AIG1: variants seen among roughly 807,000 people sequenced by gnomAD.
AIG1 encodes the protein androgen induced 1, also known as androgen-induced gene 1 protein.
Under a neutral mutation model 31.4 loss-of-function variants are expected in AIG1, and 23 were observed. That is an observed-to-expected ratio of 0.73 (90% CI 0.53 to 1.04). The LOEUF is 1.04. Ranked by LOEUF, AIG1 falls within the 50% of genes least tolerant of loss-of-function variation. The pLI, the probability that AIG1 is intolerant of heterozygous loss-of-function variation, is 0.00. For missense variants in AIG1, 274 were observed against 295.0 expected (o/e 0.93, Z 0.52); for synonymous variants, 100 against 110.5 (o/e 0.90, Z 0.60).
At chr6:143,080,371 G>A (rs1778129812) in intron 1 of AIG1, among the ~76,000 whole-genome samples, 1 of 152,144 alleles carries the variant, frequency 6.6e-6, no homozygotes, top group South Asian at 2.1e-4. Flanking sequence ...TAGTTTTACA[G>A]CTTCGATTCT....
chr6:143,129,786 GTTAAA>G (rs1783049169), intron 1 of AIG1, among the ~76,000 whole-genome samples: 1 of 151,650 alleles, frequency 6.6e-6, no homozygotes, highest in South Asian at 2.1e-4. Context: ...GAGTAATTTA[GTTAAA>G]TTAGTTTCTT....
Position 143,268,089 on chromosome 6 carries a change from G to A in AIG1, c.400-16021G>A, listed in dbSNP as rs1035170614. Among the ~76,000 whole-genome samples, 19 of 152,100 alleles carry A rather than the reference G, an allele frequency of 1.2e-4. No individual in the cohort carries two copies. Among genetic ancestry groups the A allele is most frequent in the African/African-American group, 4.1e-4 (17 of 41,408 alleles). Reference sequence around the variant, plus strand: ...GCTGGCCAAAATATATATCCATGATGAATTATAATAAAAATAGGGAGGATT... The same window carrying A: ...GCTGGCCAAAATATATATCCATGATAAATTATAATAAAAATAGGGAGGATT... On this transcript the variant is annotated intron_variant, in intron 3 of 5. Coordinates refer to ENST00000357847, the MANE Select transcript of AIG1 (RefSeq NM_016108.4). This position sits in a 1 kb window ranked among gnomAD's most constrained non-coding sequence, Gnocchi z 5.0.
At chr6:143,332,100 G>C (rs1777131831) in intron 4 of AIG1, among the ~76,000 whole-genome samples, 1 of 151,972 alleles carries the variant, frequency 6.6e-6, no homozygotes, top group African/African-American at 2.4e-5. Flanking sequence ...TTGAACTCCT[G>C]ACCTCAGGTG....
intron 4 of AIG1, among the ~76,000 whole-genome samples, chr6:143,316,648 G>A (rs1373595155): frequency 6.6e-6 from 1 of 151,660 alleles, no homozygotes; most frequent in Non-Finnish European, 1.5e-5. Flanking sequence ...AAGTAACCAA[G>A]ATCAGAGCTG....
At chr6:143,092,567 A>G (rs1779400572) in intron 1 of AIG1, among the ~76,000 whole-genome samples, 1 of 152,176 alleles carries the variant, frequency 6.6e-6, no homozygotes, top group Non-Finnish European at 1.5e-5. Context: ...ATTGTCAATG[A>G]GCAGTTATAT....
chr6:143,201,134 TA>T (rs1562484867), intron 3 of AIG1, among the ~76,000 whole-genome samples: 1 of 152,142 alleles, frequency 6.6e-6, no homozygotes, highest in African/African-American at 2.4e-5. Context: ...GATACTACTT[TA>T]TTATGAAATA....
At chr6:143,323,438 A>G (rs1252599315) in intron 4 of AIG1, among the ~76,000 whole-genome samples, 2 of 150,998 alleles carry the variant, frequency 1.3e-5, no homozygotes, top group African/African-American at 2.4e-5. Context: ...ATATTAAACT[A>G]TGATTATACC....
chr6:143,102,931 T>C (rs574630734), intron 1 of AIG1, among the ~76,000 whole-genome samples: 89 of 152,258 alleles, frequency 5.8e-4, no homozygotes, highest in Non-Finnish European at 5.9e-4. Flanking sequence ...TATCCCAGAA[T>C]CCTGAAGATT....
rs958060572 is a variant in AIG1, at chr6:143,284,846, T to C, written c.515+621T>C. Among the ~76,000 whole-genome samples, 2 of 152,200 alleles carry C rather than the reference T, an allele frequency of 1.3e-5. No homozygotes were observed. Among genetic ancestry groups the C allele is most frequent in the Non-Finnish European group, 2.9e-5 (2 of 68,030 alleles). ...GATAAAAGAATTTTTGCCTGGCGAGTCTACTTCACATTAATTTCAGTTCTT... is the reference window on the plus strand; with the variant it reads ...GATAAAAGAATTTTTGCCTGGCGAGCCTACTTCACATTAATTTCAGTTCTT... On this transcript the variant is annotated intron_variant, in intron 4 of 5. Coordinates refer to ENST00000357847, the MANE Select transcript of AIG1 (RefSeq NM_016108.4). This position sits in a 1 kb window ranked among gnomAD's most constrained non-coding sequence, Gnocchi z 4.4.
At chr6:143,171,431 A>AC (rs1491179531) in intron 3 of AIG1, among the ~76,000 whole-genome samples, 1 of 94,784 alleles carries the variant, frequency 1.1e-5, no homozygotes, top group African/African-American at 4.4e-5. Context: ...TAATATATAT[A>AC]ATATATATAT....
chr6:143,131,038 A>G (rs1783185555), intron 1 of AIG1, among the ~76,000 whole-genome samples: 1 of 152,112 alleles, frequency 6.6e-6, no homozygotes, highest in South Asian at 2.1e-4. Flanking sequence ...GCATTCATTT[A>G]CTTTTAACCA....
At chr6:143,187,873 A>G (rs1692580707) in intron 3 of AIG1, 5 of 1,398,790 alleles carry the variant, frequency 3.6e-6, no homozygotes, top group Non-Finnish European at 4.6e-6. Context: ...TATCCGCAGC[A>G]TTGTCAAAAA....
At chr6:143,307,307 G>GT (rs887134252) in intron 4 of AIG1, among the ~76,000 whole-genome samples, 1 of 152,120 alleles carries the variant, frequency 6.6e-6, no homozygotes, top group Admixed American at 6.5e-5. Context: ...TTTTTCTGCT[G>GT]TTTTTTCCCC....
chr6:143,219,237 A>G lies in AIG1; in HGVS notation c.399+54054A>G, dbSNP rs554159547. ...CATTAAATCAGAAGTCAAGAGATGG[A>G]CCCTAGCCCCAGGTTGCTGCTAATT... On this transcript the variant is annotated intron_variant, in intron 3 of 5. Coordinates refer to ENST00000357847, the MANE Select transcript of AIG1 (RefSeq NM_016108.4). Among the ~76,000 whole-genome samples, 9 of 152,286 alleles carry G rather than the reference A, an allele frequency of 5.9e-5. No individual in the cohort carries two copies. The East Asian group carries it at 1.4e-3, about 23-fold the overall frequency.
rs1231656054 is a variant in AIG1, at chr6:143,338,842, CAAAG to C, written c.680-793_680-790del. On this transcript the variant is annotated intron_variant, in intron 5 of 5. Coordinates refer to ENST00000357847, the MANE Select transcript of AIG1 (RefSeq NM_016108.4). This position sits in a 1 kb window ranked among gnomAD's most constrained non-coding sequence, Gnocchi z 4.3. ...TTTTGTTTCATTTTTGCTATTGAAACAAAGAAACTGAGAATTTGGTATGATTCAA... is the reference window on the plus strand; with the variant it reads ...TTTTGTTTCATTTTTGCTATTGAAACAAACTGAGAATTTGGTATGATTCAA... The C allele has an allele frequency of 2.6e-5, 4 of 151,986 alleles. No homozygotes were observed. Among genetic ancestry groups the C allele is most frequent in the Non-Finnish European group, 4.4e-5 (3 of 67,996 alleles). 9.4% of individuals were successfully genotyped at this position (151,986 alleles called of 1,614,324 possible).
chr6:143,237,959 G>C (rs9403468), intron 3 of AIG1, among the ~76,000 whole-genome samples: 43,013 of 151,726 alleles, frequency 0.28, 6,806 homozygotes, highest in East Asian at 0.48. Flanking sequence ...TTATTTTTTT[G>C]AGATGGAATC....
chr6:143,074,327 T>A lies in AIG1; in HGVS notation c.141+13261T>A, dbSNP rs1402076759. Among the ~76,000 whole-genome samples the A allele has an allele frequency of 7.2e-5, 11 of 152,324 alleles. No individual in the cohort carries two copies. The East Asian group carries it at 1.9e-3, about 27-fold the overall frequency. ...ATAAGTAAATCATTGCCAAGACCAT[T>A]TTCTGGGAACTATTCCCGTGTATTC... On this transcript the variant is annotated intron_variant, in intron 1 of 5. Transcript: ENST00000357847.
intron 4 of AIG1, among the ~76,000 whole-genome samples, chr6:143,300,112 G>A (rs1353558680): frequency 6.6e-6 from 1 of 152,204 alleles, no homozygotes; most frequent in East Asian, 1.9e-4. Flanking sequence ...ATAAATCAGT[G>A]AATGAGTGGT....
At chr6:143,242,815 G>A (rs934931217) in intron 3 of AIG1, among the ~76,000 whole-genome samples, 2 of 152,192 alleles carry the variant, frequency 1.3e-5, no homozygotes, top group Non-Finnish European at 2.9e-5. Context: ...TTTACAAATA[G>A]TAATGTTTCA....
Sources: gnomAD v4.1 joint callset for allele counts (sites outside exome capture counted in the v4.1 genomes callset) on GRCh38, gnomAD v4.1.1 for gene constraint, Gnocchi (gnomAD v3.1) non-coding constraint, MANE v1.5 for transcripts, NCBI Gene and HGNC (gene_info 2026-07-23, HGNC 2026-07-21) for gene names.